The following PLXNA4 variants were observed in gnomAD, a reference collection of about 807,000 sequenced individuals.
PLXNA4 encodes plexin A4, also known as plexin-A4.
A neutral mutation model predicts 191.8 loss-of-function variants in PLXNA4; 44 were observed. The ratio of observed to expected loss-of-function variants is 0.23; its 90% confidence interval spans 0.18 to 0.29. The LOEUF (loss-of-function observed/expected upper bound fraction) is 0.29. Ranked by LOEUF, PLXNA4 falls within the 10% of genes least tolerant of loss-of-function variation. The pLI, the probability that PLXNA4 is intolerant of heterozygous loss-of-function variation, is 1.00. For missense variants in PLXNA4, 1,800 were observed against 2,488.8 expected, an observed-to-expected ratio of 0.72 and a Z score of 5.89; for synonymous variants, 1,082 against 1,009.5, an observed-to-expected ratio of 1.07 and a Z score of -1.36.
chr7:132,633,014 G>A (rs1803523361), intron 2 of PLXNA4, among the ~76,000 whole-genome samples: 1 of 152,090 alleles, frequency 6.6e-6, no homozygotes, highest in African/African-American at 2.4e-5. Flanking sequence ...ACATCACAAG[G>A]AGCGAAAACC....
intron 3 of PLXNA4, among the ~76,000 whole-genome samples, chr7:132,382,371 C>T (rs1039712011): frequency 3.3e-5 from 5 of 152,040 alleles, no homozygotes; most frequent in South Asian, 2.1e-4. Flanking sequence ...AATCACAGCC[C>T]CTGCTGCTGC....
intron 10 of PLXNA4, among the ~76,000 whole-genome samples, chr7:132,206,871 C>T (rs1227760577): frequency 6.6e-6 from 1 of 152,160 alleles, no homozygotes. Context: ...CTGCACAAAG[C>T]TCAGAGCCCA....
intron 20 of PLXNA4, among the ~76,000 whole-genome samples, chr7:132,179,127 GTGCTC>G (rs2116727315): frequency 2.9e-5 from 2 of 68,682 alleles, no homozygotes; most frequent in African/African-American, 1.0e-4. Context: ...ATACACGTGC[GTGCTC>G]ACACACGTGC....
chr7:132,486,746 A>G (rs1043502632), intron 3 of PLXNA4, among the ~76,000 whole-genome samples: 1 of 152,236 alleles, frequency 6.6e-6, no homozygotes, highest in African/African-American at 2.4e-5. Flanking sequence ...CTACCAAAGT[A>G]AAAGATGGGA....
intron 3 of PLXNA4, among the ~76,000 whole-genome samples, chr7:132,348,314 C>G (rs980635702): frequency 1.3e-5 from 2 of 152,200 alleles, no homozygotes; most frequent in African/African-American, 4.8e-5. Context: ...TAGGGTTTGC[C>G]TTAGAAAGAG....
intron 21 of PLXNA4, among the ~76,000 whole-genome samples, chr7:132,171,231 C>T (rs1026449203): frequency 6.6e-6 from 1 of 152,238 alleles, no homozygotes; most frequent in Non-Finnish European, 1.5e-5. Flanking sequence ...GTGCCTGGCA[C>T]ATTACACACA....
In PLXNA4 at chr7:132,448,957, G is replaced by A. The variant is rs1183133868; in HGVS notation, c.1371+40335C>T. ...TTCTTATATAACCATGGTTGTACCT[G>A]GTAAGATATTAATGTTACAACAGGT... On this transcript the variant is annotated intron_variant, in intron 3 of 31. Coordinates refer to ENST00000321063, the MANE Select transcript of PLXNA4 (RefSeq NM_020911.2). Among the ~76,000 whole-genome samples, 5 of 152,262 alleles carry A rather than the reference G, an allele frequency of 3.3e-5. No homozygotes were observed. The South Asian group carries it at 1.0e-3, about 32-fold the overall frequency.
intron 1 of PLXNA4, among the ~76,000 whole-genome samples, chr7:132,563,474 T>C (rs1047964569): frequency 2.1e-3 from 68 of 31,768 alleles, no homozygotes; most frequent in East Asian, 3.4e-3. Context: ...TCCTCCTCCT[T>C]CTGCTGCTCC....
chr7:132,521,412 G>A (rs971625146), intron 1 of PLXNA4, among the ~76,000 whole-genome samples: 1 of 152,102 alleles, frequency 6.6e-6, no homozygotes, highest in Non-Finnish European at 1.5e-5. Flanking sequence ...ACATCATAAG[G>A]AGGTTGTTTT....
At chr7:132,348,689 C>T (rs1171274083) in intron 3 of PLXNA4, among the ~76,000 whole-genome samples, 1 of 152,090 alleles carries the variant, frequency 6.6e-6, no homozygotes, top group South Asian at 2.1e-4. Context: ...AAGCATAGCC[C>T]GAAATTAGGG....
chr7:132,198,379 C>T, intron 13 of PLXNA4, 106 bp downstream of exon 13: 1 of 1,457,268 alleles, frequency 6.9e-7, no homozygotes, highest in Non-Finnish European at 9.1e-7. Context: ...TCTCCTTTTT[C>T]CCCCACAACA....
At position 132,633,282 on chromosome 7, in the gene PLXNA4, A is replaced by T. The variant is rs199837264; in HGVS notation, c.-87+12646T>A. 5.1e-3 allele frequency among the ~76,000 whole-genome samples: 689 copies of T among 134,322 alleles called. 9 individuals carry two copies. In the East Asian group the frequency reaches 0.071, roughly 14 times the overall value. 88.1% of individuals were successfully genotyped at this position (134,322 alleles called of 152,430 possible). A position where few individuals can be genotyped will look rare whatever the true frequency, so the allele number is the denominator to read the frequency against. ...GAAAACAGTGGGGCTTGAGGTTCTC[A>T]TTTTTTTTTTTTTTTTTTTAAGACG... is the stretch of plus-strand genomic sequence containing the variant. On this transcript the variant is annotated intron_variant, in intron 2 of 4. Coordinates refer to the PLXNA4 transcript ENST00000378539.
At chr7:132,377,086 T>C (rs1223508428) in intron 3 of PLXNA4, among the ~76,000 whole-genome samples, 1 of 152,192 alleles carries the variant, frequency 6.6e-6, no homozygotes, top group Non-Finnish European at 1.5e-5. Flanking sequence ...CCAGATGTTT[T>C]CTATGAGGCA....
chr7:132,579,884 T>G (rs1802370394), upstream of PLXNA4, among the ~76,000 whole-genome samples: 2 of 152,144 alleles, frequency 1.3e-5, no homozygotes, highest in African/African-American at 2.4e-5. Context: ...AGAGGATTTT[T>G]TTTTTTCAGT....
At chr7:132,271,760 C>T (rs189538387) in intron 4 of PLXNA4, among the ~76,000 whole-genome samples, 334 of 152,132 alleles carry the variant, frequency 2.2e-3, no homozygotes, top group Non-Finnish European at 3.6e-3. Flanking sequence ...CACAGGCTAC[C>T]TTTTTAAAAG....
intron 4 of PLXNA4, among the ~76,000 whole-genome samples, chr7:132,276,020 C>T (rs115412600): frequency 2.2e-3 from 335 of 152,294 alleles, no homozygotes; most frequent in African/African-American, 7.7e-3. Flanking sequence ...CTGGCCCCTC[C>T]CTGCAACCCT....
chr7:132,408,448 CTTTATTTATTTA>C (rs55684832), intron 3 of PLXNA4, among the ~76,000 whole-genome samples: 1 of 149,394 alleles, frequency 6.7e-6, no homozygotes, highest in African/African-American at 2.5e-5. Context: ...CACAAAAACA[CTTTATTTATTTA>C]TTTATTTATT....
chr7:132,449,833 G>A (rs1256389072), intron 3 of PLXNA4, among the ~76,000 whole-genome samples: 1 of 152,236 alleles, frequency 6.6e-6, no homozygotes, highest in Non-Finnish European at 1.5e-5. Context: ...ATCTGGCAAT[G>A]GGTGTTCGCC....
chr7:132,192,303 A>G (rs1273510108), intron 14 of PLXNA4, among the ~76,000 whole-genome samples: 1 of 152,190 alleles, frequency 6.6e-6, no homozygotes, highest in African/African-American at 2.4e-5. Flanking sequence ...AGAACCATCA[A>G]GTCATAAAAT....
Sources: gnomAD v4.1 joint callset for allele counts (sites outside exome capture counted in the v4.1 genomes callset) on GRCh38, gnomAD v4.1.1 for gene constraint, MANE v1.5 for transcripts, NCBI Gene and HGNC (gene_info 2026-07-23, HGNC 2026-07-21) for gene names.